Variants in AVL9 observed in about 807,000 individuals in gnomAD.
AVL9 encodes late secretory pathway protein AVL9 homolog.
AVL9 carries 49 observed loss-of-function variants against 79.2 expected under a neutral mutation model. That is an observed-to-expected ratio of 0.62 (90% confidence interval 0.49 to 0.79). The LOEUF (loss-of-function observed/expected upper bound fraction) is 0.79. Ranked by LOEUF, AVL9 falls within the 30% of genes least tolerant of loss-of-function variation. The pLI, the probability that AVL9 is intolerant of heterozygous loss-of-function variation, is 0.00. For missense variants in AVL9, 682 were observed against 776.8 expected (o/e 0.88, Z 1.45); for synonymous variants, 299 against 280.6 (o/e 1.07, Z -0.65).
chr7:32,503,406 A>ACACACACACACACACACAC (rs1424274246), intron 1 of AVL9, among the ~76,000 whole-genome samples: 43 of 145,768 alleles, frequency 2.9e-4, no homozygotes, highest in Non-Finnish European at 5.1e-4. Flanking sequence ...ACACACACAC[A>ACACACACACACACACACAC]AATTAGCCGG....
Position 32,578,573 on chromosome 7 carries a change from T to G in AVL9, c.1689-1646T>G, listed in dbSNP as rs550744672. On this transcript the variant is annotated intron_variant, in intron 13 of 15. Transcript: ENST00000318709. ...CTGTAATTCTAGCACTTTGGGAGGCTGAGGTGGGCGGATCACGTGAGCTCA... is the reference window on the plus strand; with the variant it reads ...CTGTAATTCTAGCACTTTGGGAGGCGGAGGTGGGCGGATCACGTGAGCTCA... Among the ~76,000 whole-genome samples the G allele has an allele frequency of 7.2e-5, 11 of 152,252 alleles. No homozygotes were observed. The South Asian group carries it at 2.3e-3, about 32-fold the overall frequency.
chr7:32,545,922 C>T (rs1164569279), intron 3 of AVL9, among the ~76,000 whole-genome samples: 1 of 152,140 alleles, frequency 6.6e-6, no homozygotes, highest in Non-Finnish European at 1.5e-5. Context: ...ATGAGTGGGT[C>T]TGCCCCCGCC....
At chr7:32,556,506 T>A (rs1160312650) in intron 8 of AVL9, among the ~76,000 whole-genome samples, 1 of 146,242 alleles carries the variant, frequency 6.8e-6, no homozygotes, top group African/African-American at 2.6e-5. Flanking sequence ...AGAGCGAGAC[T>A]CCATCTCAAA....
rs541596479 is a variant in AVL9, at chr7:32,551,570, A to ACT, written c.462+148_462+149dup. ...CGCATTTGCATTAAAACATTGAAAGACTAGGAATCTGCCCAAATACTAAAT... is the reference window on the plus strand; with the variant it reads ...CGCATTTGCATTAAAACATTGAAAGACTCTAGGAATCTGCCCAAATACTAAAT... On this transcript the variant is annotated intron_variant, in intron 5 of 15. Transcript: ENST00000318709. 1.3e-3 allele frequency: 411 copies of ACT among 318,502 alleles called. 3 individuals carry two copies. The highest frequency in any genetic ancestry group is 5.6e-3 in the Admixed American group (111 of 19,824). 19.7% of individuals were successfully genotyped at this position (318,502 alleles called of 1,614,324 possible). A position where few individuals can be genotyped will look rare whatever the true frequency, so the allele number is the denominator to read the frequency against.
intron 1 of AVL9, among the ~76,000 whole-genome samples, chr7:32,512,287 G>T (rs1787707797): frequency 6.6e-6 from 1 of 152,192 alleles, no homozygotes; most frequent in Non-Finnish European, 1.5e-5. Flanking sequence ...TCTGAAGCAG[G>T]AATTGGGAAA....
In AVL9 at chr7:32,553,731, G is replaced by A. The variant is rs372229085; in HGVS notation, c.534G>A (p.Leu178=). 2 of 1,608,514 alleles carry A rather than the reference G, an allele frequency of 1.2e-6. No homozygotes were observed. Among genetic ancestry groups the A allele is most frequent in the African/African-American group, 1.3e-5 (1 of 74,658 alleles). ...GCTTTTTTGTTAACATTGTAGGTCT[G>A]TCACCTCGAGATCTTGTCCTTCATT... ...SLEGSQVYLG[L]SPRDLVLHFR... Residue 178 remains leucine, a synonymous_variant, in exon 7 of 16, where the codon CTG becomes CTA. Transcript: ENST00000318709.
chr7:32,575,026 C>T (rs1385458153), intron 12 of AVL9, among the ~76,000 whole-genome samples: 2 of 152,284 alleles, frequency 1.3e-5, no homozygotes, highest in South Asian at 4.1e-4. Context: ...CATATGGATG[C>T]TTTCCCATGG....
intron 1 of AVL9, among the ~76,000 whole-genome samples, chr7:32,497,336 CAA>C (rs1029387230): frequency 4.6e-5 from 7 of 151,930 alleles, no homozygotes; most frequent in African/African-American, 1.5e-4. Flanking sequence ...GCCTGGGCAA[CAA>C]GAGCGAAAAA....
intron 12 of AVL9, among the ~76,000 whole-genome samples, chr7:32,575,709 A>G (rs1411672488): frequency 6.6e-6 from 1 of 152,164 alleles, no homozygotes; most frequent in Non-Finnish European, 1.5e-5. Flanking sequence ...TATCTGGCTC[A>G]ACCCTCTTAT....
chr7:32,575,291 G>A (rs994979941), intron 12 of AVL9, among the ~76,000 whole-genome samples: 4 of 152,086 alleles, frequency 2.6e-5, no homozygotes, highest in Admixed American at 2.6e-4. Flanking sequence ...CAGAGACAGG[G>A]TTTTGCCATG....
chr7:32,498,019 G>A (rs1391186256), intron 1 of AVL9, among the ~76,000 whole-genome samples: 1 of 152,134 alleles, frequency 6.6e-6, no homozygotes, highest in Non-Finnish European at 1.5e-5. Flanking sequence ...GTCGTAATTT[G>A]TAACTTTTAA....
chr7:32,497,342 C>CA (rs1229414826), intron 1 of AVL9, among the ~76,000 whole-genome samples: 2 of 150,702 alleles, frequency 1.3e-5, no homozygotes, highest in African/African-American at 2.4e-5. Flanking sequence ...GCAACAAGAG[C>CA]GAAAAAAAAA....
In AVL9 at chr7:32,522,169, C is replaced by T. The variant is rs149492753; in HGVS notation, c.94-20972C>T. ...CCCCCACACAGAGTCCCTACTGGGG[C>T]ACTGCCTAGTAGAGCTGTGAGAAGA... On this transcript the variant is annotated intron_variant, in intron 1 of 15. Transcript: ENST00000318709. 7.9e-3 allele frequency among the ~76,000 whole-genome samples: 1,199 copies of T among 152,348 alleles called. 10 individuals carry two copies. The highest frequency in any genetic ancestry group is 0.013 in the Non-Finnish European group (888 of 68,024).
chr7:32,570,251 A>G, intron 11 of AVL9, 97 bp downstream of exon 11: 2 of 1,453,692 alleles, frequency 1.4e-6, no homozygotes, highest in East Asian at 2.3e-5. Flanking sequence ...ATTAGTAATG[A>G]TAATAACTGC....
intron 11 of AVL9, among the ~76,000 whole-genome samples, chr7:32,571,744 T>C (rs1790854614): frequency 6.6e-6 from 1 of 152,020 alleles, no homozygotes; most frequent in African/African-American, 2.4e-5. Flanking sequence ...TTCAACATTA[T>C]TGGTTACATT....
At chr7:32,509,183 G>A (rs1364995291) in intron 1 of AVL9, among the ~76,000 whole-genome samples, 1 of 152,140 alleles carries the variant, frequency 6.6e-6, no homozygotes, top group African/African-American at 2.4e-5. Context: ...CCTCAGCTTT[G>A]ATGAGAGCCC....
chr7:32,503,365 T>TACACACACACACACACAC (rs796351504), intron 1 of AVL9, among the ~76,000 whole-genome samples: 111 of 103,106 alleles, frequency 1.1e-3, no homozygotes, highest in Non-Finnish European at 1.6e-3. Flanking sequence ...TAGAGAGATA[T>TACACACACACACACACAC]ATATATATAC....
intron 1 of AVL9, among the ~76,000 whole-genome samples, chr7:32,507,751 A>C (rs982822735): frequency 1.3e-5 from 2 of 152,174 alleles, no homozygotes; most frequent in Non-Finnish European, 2.9e-5. Flanking sequence ...ATTTTGTTGG[A>C]TATATACTTA....
intron 1 of AVL9, among the ~76,000 whole-genome samples, chr7:32,520,817 A>G (rs1788109198): frequency 6.6e-6 from 1 of 152,112 alleles, no homozygotes; most frequent in African/African-American, 2.4e-5. Flanking sequence ...ACATAGGGGT[A>G]ATTGGGCTGT....
Sources: gnomAD v4.1 joint callset for allele counts (sites outside exome capture counted in the v4.1 genomes callset) on GRCh38, gnomAD v4.1.1 for gene constraint, MANE v1.5 for transcripts, NCBI Gene and HGNC (gene_info 2026-07-23, HGNC 2026-07-21) for gene names.